The following LRRFIP1 variants were observed in gnomAD, a reference collection of about 807,000 sequenced individuals.
LRRFIP1 encodes the protein LRR binding FLII interacting protein 1, also known as leucine-rich repeat flightless-interacting protein 1.
LRRFIP1 carries 62 observed loss-of-function variants against 104.4 expected under a neutral mutation model. That is an observed-to-expected ratio of 0.59 (90% CI 0.48 to 0.73). The LOEUF is 0.73. Among genes scored for constraint, LRRFIP1 ranks in the 30% least tolerant of loss-of-function variants. The probability of loss-of-function intolerance (pLI) is 0.00; values close to 1 mark genes in which losing one functional copy is unlikely to be tolerated. For synonymous variants in LRRFIP1, 300 were observed against 299.0 expected (o/e 1.00, Z -0.03); for missense variants, 796 against 824.5 (o/e 0.97, Z 0.42).
In LRRFIP1 at chr2:237,711,153, G is replaced by C. The variant is rs2094061760; in HGVS notation, c.183+2523G>C. On this transcript the variant is annotated intron_variant, in intron 2 of 23. Transcript: ENST00000308482. The surrounding 1 kb of genome is among the most constrained non-coding windows in gnomAD (Gnocchi z 4.4). ...CTTGGGCATTTAATTTTAGTATCAT[G>C]AAAAAGGGGTGCAGGGCAGCCCTCA... 6.6e-6 allele frequency among the ~76,000 whole-genome samples: 1 copy of C among 152,224 alleles called. No homozygotes were observed. Among genetic ancestry groups the C allele is most frequent in the Non-Finnish European group, 1.5e-5 (1 of 68,034 alleles).
chr2:237,630,167 G>A (rs550510015), intron 1 of LRRFIP1, among the ~76,000 whole-genome samples: 1 of 152,206 alleles, frequency 6.6e-6, no homozygotes, highest in Non-Finnish European at 1.5e-5. Flanking sequence ...CAGATTGATA[G>A]GGTTGGAGGG....
intron 1 of LRRFIP1, among the ~76,000 whole-genome samples, chr2:237,636,352 C>CTTTTTTTTTTT (rs59582281): frequency 1.2e-4 from 15 of 124,394 alleles, no homozygotes; most frequent in African/African-American, 2.6e-4. Context: ...CCTTTCTTTT[C>CTTTTTTTTTTT]TTTTTTTTTT....
At chr2:237,706,276 G>A (rs2149989424) in intron 1 of LRRFIP1, among the ~76,000 whole-genome samples, 1 of 152,246 alleles carries the variant, frequency 6.6e-6, no homozygotes, top group African/African-American at 2.4e-5. Context: ...CTCTCCCTCT[G>A]TTCCCTTCTG....
chr2:237,723,520 T>C (rs766938494), intron 6 of LRRFIP1, 28 bp from the exon 7 acceptor site: 17 of 1,613,462 alleles, frequency 1.1e-5, no homozygotes, highest in Non-Finnish European at 1.4e-5. Context: ...GCTGTTGTTT[T>C]TTTTTTCTGC....
At chr2:237,744,028 T>C (rs1227133926) in intron 11 of LRRFIP1, among the ~76,000 whole-genome samples, 2 of 152,206 alleles carry the variant, frequency 1.3e-5, no homozygotes, top group African/African-American at 4.8e-5. Flanking sequence ...CCATTTGGAC[T>C]AGAAAAACAA....
Position 237,711,789 on chromosome 2 carries a change from G to C in LRRFIP1, c.184-2470G>C, listed in dbSNP as rs149441987. On this transcript the variant is annotated intron_variant, in intron 2 of 23. Transcript: ENST00000308482. The surrounding 1 kb of genome is among the most constrained non-coding windows in gnomAD (Gnocchi z 4.4). ...GGACACCGAGTGAAGCAGCTCTACC[G>C]GGGGGTGGGGAAGCCACTCCTTGTG... Among the ~76,000 whole-genome samples the C allele has an allele frequency of 1.1e-4, 16 of 152,238 alleles. No homozygotes were observed. In the South Asian group the frequency reaches 3.1e-3, roughly 30 times the overall value.
chr2:237,653,342 G>A (rs1279216321), intron 1 of LRRFIP1, among the ~76,000 whole-genome samples: 2 of 152,054 alleles, frequency 1.3e-5, no homozygotes, highest in Non-Finnish European at 2.9e-5. Flanking sequence ...TACAAAACAT[G>A]ATGAAAAAAA....
chr2:237,721,017 A>T (rs1421293171), intron 6 of LRRFIP1, 195 bp downstream of exon 6: 8 of 547,616 alleles, frequency 1.5e-5, no homozygotes, highest in Non-Finnish European at 2.3e-5. Flanking sequence ...ATTTATATGC[A>T]TAGGCACGTT....
At chr2:237,664,038 G>A (rs1453187965) in intron 1 of LRRFIP1, among the ~76,000 whole-genome samples, 1 of 152,144 alleles carries the variant, frequency 6.6e-6, no homozygotes, top group Non-Finnish European at 1.5e-5. Context: ...GAGGAGCAGG[G>A]TGAAGGGTGG....
At chr2:237,728,291 A>G (rs2094849172) in intron 8 of LRRFIP1, among the ~76,000 whole-genome samples, 1 of 152,266 alleles carries the variant, frequency 6.6e-6, no homozygotes, top group Non-Finnish European at 1.5e-5. Flanking sequence ...CAAAGATACT[A>G]AATCCAACAT....
At position 237,691,669 on chromosome 2, in the gene LRRFIP1, C is replaced by T. The variant is rs1393466185; in HGVS notation, c.97-16875C>T. Among the ~76,000 whole-genome samples the T allele has an allele frequency of 6.6e-6, 1 of 151,812 alleles. No homozygotes were observed. The highest frequency in any genetic ancestry group is 1.5e-5 in the Non-Finnish European group (1 of 67,950). On this transcript the variant is annotated intron_variant, in intron 1 of 23. Coordinates refer to ENST00000308482, the MANE Select transcript of LRRFIP1 (RefSeq NM_001137550.2). This position sits in a 1 kb window ranked among gnomAD's most constrained non-coding sequence, Gnocchi z 5.4. ...TGGGGGAGCCGGGAACTCATACCCT[C>T]GCCCAGCCCCGGGCAGGTCCCCCCC...
intron 1 of LRRFIP1, among the ~76,000 whole-genome samples, chr2:237,648,115 G>T (rs1469591500): frequency 6.6e-6 from 1 of 151,884 alleles, no homozygotes; most frequent in Non-Finnish European, 1.5e-5. Context: ...GCTTTACTTG[G>T]ATTCTGACAC....
At chr2:237,758,672 G>GT in intron 17 of LRRFIP1, 57 bp from the exon 18 acceptor site, 1 of 1,227,120 alleles carries the variant, frequency 8.1e-7, no homozygotes. Context: ...TGCTTCTGAA[G>GT]TAACTTGCTC....
At chr2:237,754,124 G>A (rs1446186695) in intron 15 of LRRFIP1, among the ~76,000 whole-genome samples, 3 of 152,154 alleles carry the variant, frequency 2.0e-5, no homozygotes. Context: ...CAGATAAGGT[G>A]CGATCAGATG....
At chr2:237,708,442 T>C (rs904175119) in intron 1 of LRRFIP1, 102 bp from the exon 2 acceptor site, 1 of 836,292 alleles carries the variant, frequency 1.2e-6, no homozygotes, top group African/African-American at 1.7e-5. Flanking sequence ...GTATATCTGT[T>C]AAACTCTGAA....
intron 1 of LRRFIP1, among the ~76,000 whole-genome samples, chr2:237,667,408 A>T (rs1427451821): frequency 6.6e-6 from 1 of 152,236 alleles, no homozygotes; most frequent in African/African-American, 2.4e-5. Context: ...ATGGTTGCAT[A>T]GTATTCCATG....
At position 237,774,336 on chromosome 2, in the gene LRRFIP1, T is replaced by C. The variant is rs779679690; in HGVS notation, c.1708-22T>C. 14 of 1,426,736 alleles carry C rather than the reference T, an allele frequency of 9.8e-6. No individual in the cohort carries two copies. The Middle Eastern group carries it at 7.2e-4, about 73-fold the overall frequency. The allele number at this position is 1,426,736 out of a possible 1,614,324, so 88.4% of individuals were successfully genotyped here. A position where few individuals can be genotyped will look rare whatever the true frequency, so the allele number is the denominator to read the frequency against. ...AAACAGGCTTATCAATTTATACATA[T>C]GGTTTTTTTTCTACCTTTTAGGTAA... On this transcript the variant is annotated intron_variant, in intron 22 of 23. Transcript: ENST00000308482.
chr2:237,723,790 G>A (rs1270166693), intron 7 of LRRFIP1, among the ~76,000 whole-genome samples: 1 of 152,240 alleles, frequency 6.6e-6, no homozygotes, highest in Non-Finnish European at 1.5e-5. Flanking sequence ...CCTGCCGGAG[G>A]GGAGGAGCCC....
intron 11 of LRRFIP1, among the ~76,000 whole-genome samples, chr2:237,741,844 GAAAA>G (rs976032842): frequency 2.0e-5 from 3 of 151,296 alleles, no homozygotes; most frequent in South Asian, 2.1e-4. Context: ...AAAGAAAAAA[GAAAA>G]AAAAGAAAGA....
Sources: allele counts gnomAD v4.1 joint callset (sites outside exome capture counted in the v4.1 genomes callset), GRCh38; gene constraint gnomAD v4.1.1; non-coding constraint Gnocchi (gnomAD v3.1); transcripts MANE v1.5; gene names NCBI Gene and HGNC (gene_info 2026-07-23, HGNC 2026-07-21).